The following ELAVL3 variants were observed in gnomAD, a reference collection of about 807,000 sequenced individuals.
ELAVL3 encodes ELAV-like protein 3.
A neutral mutation model predicts 34.2 loss-of-function variants in ELAVL3; 8 were observed. The observed-to-expected ratio is 0.23, with a 90% confidence interval of 0.14 to 0.42. ELAVL3 has a LOEUF of 0.42. Ranked by LOEUF, ELAVL3 falls within the 10% of genes least tolerant of loss-of-function variation. ELAVL3 has a pLI of 1.00. For missense variants in ELAVL3, 273 were observed against 518.8 expected, an observed-to-expected ratio of 0.53 and a Z score of 4.60; for synonymous variants, 209 against 222.1, an observed-to-expected ratio of 0.94 and a Z score of 0.53.
intron 1 of ELAVL3, among the ~76,000 whole-genome samples, chr19:11,478,075 T>A (rs964822905): frequency 6.6e-6 from 1 of 152,168 alleles, no homozygotes; most frequent in African/African-American, 2.4e-5. Context: ...CTCCTCCATT[T>A]CTCAGATGGG....
rs758402197 is a variant in ELAVL3 at position 11,466,133 on chromosome 19, G to A, written c.333+39C>T. 1.9e-6 allele frequency: 3 copies of A among 1,584,704 alleles called. No homozygotes were observed. The highest frequency in any genetic ancestry group is 2.6e-6 in the Non-Finnish European group (3 of 1,154,142). ...TAGGGGGTTGGGGACAGTCAGTTGG[G>A]GTGGGCGGTCATGGGGGATTGGAGA... On this transcript the variant is annotated intron_variant, in intron 3 of 6. Transcript: ENST00000359227. The surrounding 1 kb of genome is among the most constrained non-coding windows in gnomAD (Gnocchi z 5.0).
At position 11,480,576 on chromosome 19, in the gene ELAVL3, T is replaced by C. The variant is rs765247802; in HGVS notation, c.9+24A>G. On this transcript the variant is annotated intron_variant, in intron 1 of 6. Coordinates refer to ENST00000359227, the MANE Select transcript of ELAVL3 (RefSeq NM_001420.4). This position sits in a 1 kb window ranked among gnomAD's most constrained non-coding sequence, Gnocchi z 6.8. The stretch of plus-strand genomic sequence containing the variant: ...CCAACTCCTCCCCGTCCCGATTCCC[T>C]TTCGGCGACAGGGGAATACCTACAG... The C allele has an allele frequency of 1.3e-6, 2 of 1,484,950 alleles. No individual in the cohort carries two copies. Among genetic ancestry groups the C allele is most frequent in the South Asian group, 1.3e-5 (1 of 76,588 alleles). The allele number at this position is 1,484,950 out of a possible 1,614,324, so 92.0% of individuals were successfully genotyped here.
In ELAVL3 at chr19:11,452,563, T is replaced by C. The variant is rs1970673453; in HGVS notation, c.*1963A>G. 6.6e-6 allele frequency: 1 copy of C among 151,900 alleles called. No individual in the cohort carries two copies. Among genetic ancestry groups the C allele is most frequent in the South Asian group, 2.1e-4 (1 of 4,816 alleles). The allele number at this position is 151,900 out of a possible 1,614,324, so 9.4% of individuals were successfully genotyped here. A position where few individuals can be genotyped will look rare whatever the true frequency, so the allele number is the denominator to read the frequency against. On this transcript the variant is annotated 3_prime_UTR_variant, in exon 7 of 7. Coordinates refer to ENST00000359227, the MANE Select transcript of ELAVL3 (RefSeq NM_001420.4). ...TTTTCCTCTTCTGTTTGTGTTTTTT[T>C]GTCGCTTTTTTGATTTTTTTCTTTT...
intron 1 of ELAVL3, among the ~76,000 whole-genome samples, chr19:11,478,513 G>A (rs1730204423): frequency 6.6e-6 from 1 of 152,168 alleles, no homozygotes; most frequent in Non-Finnish European, 1.5e-5. Context: ...AGATGGGGGG[G>A]TGGCAAAGTC....
Position 11,460,602 on chromosome 19 carries a change from G to A in ELAVL3, c.334-1991C>T, listed in dbSNP as rs909982899. ...CCCCCATTTTTCCCAAACACACCAG[G>A]CATGTCTCAGCCTCAGGGCCCTGGC... On this transcript the variant is annotated intron_variant, in intron 3 of 6. Coordinates refer to ENST00000359227, the MANE Select transcript of ELAVL3 (RefSeq NM_001420.4). Among the ~76,000 whole-genome samples the A allele has an allele frequency of 1.7e-4, 26 of 151,716 alleles. 1 individual carries two copies.
intron 3 of ELAVL3, among the ~76,000 whole-genome samples, chr19:11,461,438 CT>C (rs780727298): frequency 1.1e-4 from 16 of 151,676 alleles, no homozygotes; most frequent in Non-Finnish European, 1.9e-4. Context: ...CCCCTTATGT[CT>C]GCTGTATCTA....
intron 3 of ELAVL3, among the ~76,000 whole-genome samples, chr19:11,464,161 ATATATATT>A (rs1568382009): frequency 1.4e-4 from 15 of 105,024 alleles, no homozygotes; most frequent in African/African-American, 9.2e-4. Flanking sequence ...CTATATATAT[ATATATATT>A]TTTTTTTTTT....
intron 1 of ELAVL3, among the ~76,000 whole-genome samples, chr19:11,475,413 T>C (rs549540027): frequency 4.6e-5 from 7 of 152,288 alleles, no homozygotes; most frequent in East Asian, 3.9e-4. Flanking sequence ...CAAGTGATTC[T>C]CTCACCTCAG....
rs553070766 is a variant in ELAVL3 at position 11,453,612 on chromosome 19, G to C, written c.*914C>G. ...GTAGCCCCAGCTTCTGTCTCTTTCT[G>C]TCTATCCCTGTCCACGTGTCTGAGT... On this transcript the variant is annotated 3_prime_UTR_variant, in exon 7 of 7. Coordinates refer to ENST00000359227, the MANE Select transcript of ELAVL3 (RefSeq NM_001420.4). 45 of 152,970 alleles carry C rather than the reference G, an allele frequency of 2.9e-4. No individual in the cohort carries two copies. The highest frequency in any genetic ancestry group is 1.1e-3 in the African/African-American group (44 of 41,560). 9.5% of individuals were successfully genotyped at this position (152,970 alleles called of 1,614,324 possible).
In ELAVL3 at chr19:11,454,913, C is replaced by T; in HGVS notation, c.753-36G>A. On this transcript the variant is annotated intron_variant, in intron 6 of 6. Transcript: ENST00000359227. The surrounding 1 kb of genome is among the most constrained non-coding windows in gnomAD (Gnocchi z 9.2). ...GGTCACGCGGGCTCTGCCCTGACCCCCCGCATGCTTCTGACCCCGTTGTGA... is the reference window on the plus strand; with the variant it reads ...GGTCACGCGGGCTCTGCCCTGACCCTCCGCATGCTTCTGACCCCGTTGTGA... The T allele has an allele frequency of 6.4e-7, 1 of 1,559,230 alleles. No homozygotes were observed. Among genetic ancestry groups the T allele is most frequent in the Non-Finnish European group, 8.6e-7 (1 of 1,157,274 alleles).
chr19:11,464,999 C>CCA (rs1324459467), intron 3 of ELAVL3, among the ~76,000 whole-genome samples: 1 of 126,384 alleles, frequency 7.9e-6, no homozygotes, highest in African/African-American at 3.1e-5. Context: ...ACACCACACA[C>CCA]CACACACACA....
In ELAVL3 at chr19:11,458,548, G is replaced by C; in HGVS notation, c.397C>G (p.Pro133Ala). The C allele has an allele frequency of 6.2e-7, 1 of 1,614,140 alleles. No individual in the cohort carries two copies. ...RDANLYVSGL[P>A]KTMSQKEMEQ... ...ATCTCTTTCTGGCTCATGGTCTTGGGGAGCCCGCTGACGTACAGGTTAGCA... is the reference window on the plus strand; with the variant it reads ...ATCTCTTTCTGGCTCATGGTCTTGGCGAGCCCGCTGACGTACAGGTTAGCA... The change falls in exon 4 of 7, where the codon CCC becomes GCC. Residue 133 changes from proline to alanine, a missense_variant. Transcript: ENST00000359227. This position sits in a 1 kb window ranked among gnomAD's most constrained non-coding sequence, Gnocchi z 7.3.
Position 11,466,412 on chromosome 19 carries a change from G to A in ELAVL3, c.230-137C>T. 9.9e-7 allele frequency: 1 copy of A among 1,006,630 alleles called. No homozygotes were observed. 62.4% of individuals were successfully genotyped at this position (1,006,630 alleles called of 1,614,324 possible). A position where few individuals can be genotyped will look rare whatever the true frequency, so the allele number is the denominator to read the frequency against. On this transcript the variant is annotated intron_variant, in intron 2 of 6. Coordinates refer to ENST00000359227, the MANE Select transcript of ELAVL3 (RefSeq NM_001420.4). This position sits in a 1 kb window ranked among gnomAD's most constrained non-coding sequence, Gnocchi z 5.0. ...TCCAGATGACACCTTCGATGCTAGA[G>A]TCCCACCTGCCTCCATCGCTCCTGA...
chr19:11,464,619 A>ACACACACAC (rs1286336000), intron 3 of ELAVL3, among the ~76,000 whole-genome samples: 4 of 143,970 alleles, frequency 2.8e-5, no homozygotes, highest in Admixed American at 1.4e-4. Flanking sequence ...CACACACACC[A>ACACACACAC]CACACACACC....
chr19:11,457,855 A>G (rs1970802074), intron 5 of ELAVL3, among the ~76,000 whole-genome samples: 1 of 152,228 alleles, frequency 6.6e-6, no homozygotes, highest in Non-Finnish European at 1.5e-5. Flanking sequence ...ATCTTTTAAC[A>G]CCAAGAATGC....
chr19:11,459,883 A>G (rs1970847667), intron 3 of ELAVL3, among the ~76,000 whole-genome samples: 1 of 152,018 alleles, frequency 6.6e-6, no homozygotes, highest in Non-Finnish European at 1.5e-5. Flanking sequence ...CACCACACCC[A>G]GCCACTCTTC....
chr19:11,472,218 C>T (rs866901747), intron 1 of ELAVL3, among the ~76,000 whole-genome samples: 17 of 152,100 alleles, frequency 1.1e-4, no homozygotes, highest in East Asian at 3.9e-4. Context: ...TGGTAGTGGA[C>T]GCCTGTAATC....
In ELAVL3 at chr19:11,458,382, G is replaced by C. The variant is rs1438968347; in HGVS notation, c.487+76C>G. The C allele has an allele frequency of 1.2e-6, 2 of 1,606,376 alleles. No homozygotes were observed. The highest frequency in any genetic ancestry group is 8.5e-7 in the Non-Finnish European group (1 of 1,175,604). On this transcript the variant is annotated intron_variant, in intron 4 of 6. Transcript: ENST00000359227. The surrounding 1 kb of genome is among the most constrained non-coding windows in gnomAD (Gnocchi z 7.3). Reference sequence around the variant, plus strand: ...TGCTTCATGCCCTGGCATCTTGGTCGGTTTCCCCACGTTGGTCCCACCTGA... The same window carrying C: ...TGCTTCATGCCCTGGCATCTTGGTCCGTTTCCCCACGTTGGTCCCACCTGA...
At chr19:11,464,169 T>TATATATATA (rs1568382072) in intron 3 of ELAVL3, among the ~76,000 whole-genome samples, 1 of 72,980 alleles carries the variant, frequency 1.4e-5, no homozygotes. Context: ...ATATATATAT[T>TATATATATA]TTTTTTTTTT....
Sources: allele counts gnomAD v4.1 joint callset (sites outside exome capture counted in the v4.1 genomes callset), GRCh38; gene constraint gnomAD v4.1.1; non-coding constraint Gnocchi (gnomAD v3.1); transcripts MANE v1.5; gene names NCBI Gene and HGNC (gene_info 2026-07-23, HGNC 2026-07-21).